Variants in HEPH observed in about 807,000 individuals in gnomAD.
The protein encoded by HEPH is hephaestin.
In HEPH, 69 loss-of-function variants were observed where a neutral mutation model predicts 80.8. That is an observed-to-expected ratio of 0.85 (90% confidence interval 0.70 to 1.04). HEPH has a LOEUF of 1.04. Among genes scored for constraint, HEPH ranks in the 50% least tolerant of loss-of-function variants. The pLI, the probability that HEPH is intolerant of heterozygous loss-of-function variation, is 0.00. For synonymous variants in HEPH, 431 were observed against 322.8 expected, an observed-to-expected ratio of 1.34 and a Z score of -3.60; for missense variants, 1,115 against 891.3, an observed-to-expected ratio of 1.25 and a Z score of -3.20.
At chrX:66,265,530 G>T (rs1312123509) in intron 20 of HEPH, among the ~76,000 whole-genome samples, 1 of 111,111 alleles carries the variant, frequency 9.0e-6, no homozygotes, top group African/African-American at 3.3e-5. Context: ...GAGGGATTAG[G>T]TCTCTTGGCC....
chrX:66,232,812 G>A (rs1271837356), intron 15 of HEPH, among the ~76,000 whole-genome samples: 1 of 110,747 alleles, frequency 9.0e-6, no homozygotes, highest in Non-Finnish European at 1.9e-5. Context: ...CAGTAAATCT[G>A]ATGCCAGATT....
At chrX:66,170,840 A>G (rs1314629730) in intron 2 of HEPH, 103 bp downstream of exon 2, 1 of 693,833 alleles carries the variant, frequency 1.4e-6, no homozygotes, top group Non-Finnish European at 2.2e-6. Context: ...GGTAGCAGCC[A>G]GCTCCTGATT....
chrX:66,206,573 G>A (rs1218871935), intron 13 of HEPH, among the ~76,000 whole-genome samples: 1 of 106,160 alleles, frequency 9.4e-6, no homozygotes, highest in Admixed American at 1.0e-4. Flanking sequence ...TGCCATGTTG[G>A]GCAGGCTGGT....
intron 5 of HEPH, among the ~76,000 whole-genome samples, chrX:66,189,065 C>T (rs1466461559): frequency 8.9e-6 from 1 of 111,853 alleles, no homozygotes; most frequent in Non-Finnish European, 1.9e-5. Context: ...ACAGAAGAAC[C>T]GAGGCATGAA....
Position 66,188,446 on chromosome X carries a change from G to C in HEPH, c.713G>C (p.Ser238Thr). Residue 238 changes from serine to threonine, a missense_variant, in exon 5 of 21, where the codon AGC (serine) becomes ACC (threonine). Physicochemically the swap from Ser to Thr is moderately conservative, Grantham distance 58. Transcript: ENST00000343002. ...TTCAGTGTGGTAGATGAGAACCTCA[G>C]CTGGCATCTCAATGAGAACATTGCC... ...LLFSVVDENL[S>T]WHLNENIATY... 8.3e-7 allele frequency: 1 copy of C among 1,206,193 alleles called. No homozygotes were observed. The highest frequency in any genetic ancestry group is 1.1e-6 in the Non-Finnish European group (1 of 891,151).
rs370005245 is a variant in HEPH, at chrX:66,193,612, A to G, written c.1343A>G (p.Glu448Gly). 3.7e-5 allele frequency: 44 copies of G among 1,189,639 alleles called. No homozygotes were observed. The Middle Eastern group carries it at 7.0e-4, about 19-fold the overall frequency. The change falls in exon 8 of 21, where the codon GAG (glutamate) becomes GGG (glycine). Residue 448 changes from glutamate (E) to glycine (G), a missense_variant. Physicochemically the swap from Glu to Gly is moderately conservative, Grantham distance 98 (BLOSUM62 -2). This residue lies in a region of HEPH where 391 missense variants were observed against 343.6 expected (regional missense o/e 1.14). Transcript: ENST00000343002. ...DETFQEKMHL[E>G]EDRHLGILGP... ...ACATTCCAAGAGAAGATGCATTTGG[A>G]GGAAGATAGGCATCTTGGAATCCTG...
intron 4 of HEPH, among the ~76,000 whole-genome samples, chrX:66,186,591 G>A (rs951016800): frequency 1.4e-4 from 16 of 112,255 alleles, no homozygotes; most frequent in Non-Finnish European, 2.6e-4. Context: ...ACTGGCCTGC[G>A]CCCACTGTCT....
intron 15 of HEPH, among the ~76,000 whole-genome samples, chrX:66,209,913 A>C (rs985332065): frequency 1.8e-5 from 2 of 111,537 alleles, no homozygotes; most frequent in African/African-American, 3.3e-5. Flanking sequence ...GTATCTAGAC[A>C]TAAAGATAGA....
chrX:66,190,758 G>A (rs1197847378), intron 6 of HEPH, among the ~76,000 whole-genome samples: 1 of 111,644 alleles, frequency 9.0e-6, no homozygotes, highest in Non-Finnish European at 1.9e-5. Context: ...TAGACTAATA[G>A]GATAATAAAT....
rs72552362 is a variant in HEPH at position 66,194,268 on chromosome X, A to G, written c.1369+630A>G. 9.4e-3 allele frequency among the ~76,000 whole-genome samples: 1,051 copies of G among 111,930 alleles called. 19 individuals are homozygous for G. The highest frequency in any genetic ancestry group is 0.033 in the African/African-American group (1,013 of 30,767). On this transcript the variant is annotated intron_variant, in intron 8 of 20. Transcript: ENST00000343002. ...TTGATTCTAGATCTGATAATGGACA[A>G]TAGATCTTACATCAGCTGGATAGGG...
chrX:66,235,931 T>C (rs1189935823), intron 15 of HEPH, among the ~76,000 whole-genome samples: 6 of 111,649 alleles, frequency 5.4e-5, no homozygotes, highest in Non-Finnish European at 1.1e-4. Flanking sequence ...GTGGCTTAAC[T>C]GTTGTTGGTG....
chrX:66,190,127 G>A (rs978041657), intron 6 of HEPH, among the ~76,000 whole-genome samples, 189 bp downstream of exon 6: 1 of 106,695 alleles, frequency 9.4e-6, no homozygotes, highest in Non-Finnish European at 1.9e-5. Context: ...AAACTTGCTG[G>A]ATAACTTTGG....
intron 19 of HEPH, among the ~76,000 whole-genome samples, chrX:66,262,867 T>C (rs1308647390): frequency 9.0e-6 from 1 of 111,643 alleles, no homozygotes. Flanking sequence ...TGGGAGGTTG[T>C]TGTTAGATTT....
Position 66,197,535 on chromosome X carries a change from C to T in HEPH, c.1502-148C>T, listed in dbSNP as rs1418977905. ...TAAACTCATCTCTTGACTCCTTGAC[C>T]AGAGTTCTCCTCATTATTCAATATT... On this transcript the variant is annotated intron_variant, in intron 9 of 20. Coordinates refer to ENST00000343002, the MANE Select transcript of HEPH (RefSeq NM_001367233.3). 4 of 458,145 alleles carry T rather than the reference C, an allele frequency of 8.7e-6. No individual in the cohort carries two copies. The African/African-American group carries it at 9.7e-5, about 11-fold the overall frequency. 37.8% of individuals were successfully genotyped at this position (458,145 alleles called of 1,213,427 possible).
chrX:66,249,174 A>T (rs534273466), intron 15 of HEPH, among the ~76,000 whole-genome samples: 2 of 111,283 alleles, frequency 1.8e-5, no homozygotes, highest in African/African-American at 6.5e-5. Flanking sequence ...TAAGGAATGG[A>T]ATTTTAAAGG....
At chrX:66,189,176 TAC>T (rs2147691106) in intron 5 of HEPH, among the ~76,000 whole-genome samples, 1 of 112,202 alleles carries the variant, frequency 8.9e-6, no homozygotes, top group East Asian at 2.8e-4. Flanking sequence ...CTAAAAACCA[TAC>T]AGTCCCCAAA....
downstream of HEPH, chrX:66,267,606 T>G (rs1476716025): frequency 9.0e-6 from 1 of 111,210 alleles, no homozygotes; most frequent in Non-Finnish European, 1.9e-5. Context: ...TGACAAAAAT[T>G]TTCTGAGTGT....
chrX:66,200,518 G>T (rs776115245), intron 11 of HEPH, 22 bp from the exon 12 acceptor site: 11 of 1,158,084 alleles, frequency 9.5e-6, no homozygotes, highest in Non-Finnish European at 7.0e-6. Context: ...TCCCCACCTT[G>T]TCTTGTGTTT....
At chrX:66,180,548 T>G (rs189193379) in intron 4 of HEPH, among the ~76,000 whole-genome samples, 149 of 110,304 alleles carry the variant, frequency 1.4e-3, no homozygotes, top group African/African-American at 4.6e-3. Flanking sequence ...GATTCTTTCC[T>G]TCTTTGTCTT....
Sources: gnomAD v4.1 joint callset for allele counts (sites outside exome capture counted in the v4.1 genomes callset) on GRCh38, gnomAD v4.1.1 for gene constraint, gnomAD v4.1.1 regional missense constraint, MANE v1.5 for transcripts, NCBI Gene and HGNC (gene_info 2026-07-23, HGNC 2026-07-21) for gene names.